The following KCTD19 variants were observed in gnomAD, a reference collection of about 807,000 sequenced individuals.
KCTD19 encodes the protein potassium channel tetramerization domain containing 19.
KCTD19 carries 67 observed loss-of-function variants against 103.5 expected under a neutral mutation model. The observed-to-expected ratio is 0.65, with a 90% confidence interval of 0.53 to 0.79. The LOEUF is 0.79. KCTD19 is among the 30% of genes least tolerant of loss of function. The probability of loss-of-function intolerance (pLI) is 0.00; values close to 1 mark genes in which losing one functional copy is unlikely to be tolerated. For synonymous variants in KCTD19, 439 were observed against 452.2 expected, an observed-to-expected ratio of 0.97 and a Z score of 0.37; for missense variants, 980 against 1,136.1, an observed-to-expected ratio of 0.86 and a Z score of 1.98.
intron 2 of KCTD19, among the ~76,000 whole-genome samples, chr16:67,307,378 A>G (rs143538988): frequency 1.0e-4 from 15 of 149,550 alleles, no homozygotes; most frequent in Admixed American, 3.3e-4. Flanking sequence ...CAGTGGCCCA[A>G]TCTTGACTTA....
At chr16:67,290,178 T>C (rs889624144) in intron 15 of KCTD19, among the ~76,000 whole-genome samples, 14 of 133,064 alleles carry the variant, frequency 1.1e-4, no homozygotes, top group South Asian at 5.3e-4. Flanking sequence ...TTTTTTTTTT[T>C]TTTTTTTTTT....
chr16:67,299,526 C>A lies in KCTD19; in HGVS notation c.823G>T (p.Ala275Ser), dbSNP rs749598755. 1.4e-5 allele frequency: 22 copies of A among 1,613,892 alleles called. No homozygotes were observed. Among genetic ancestry groups the A allele is most frequent in the Non-Finnish European group, 1.8e-5 (21 of 1,180,038 alleles). The change falls in exon 6 of 16, where the codon GCC becomes TCC. Residue 275 changes from alanine (A) to serine (S), a missense_variant. Transcript: ENST00000304372. The part of the protein sequence containing the change: ...TCSPLSPGKG[A>S]RTASLESVKP... The stretch of plus-strand genomic sequence containing the variant: ...ACGGACTCCAGGCTGGCTGTGCGGG[C>A]CCCCTTCCCGGGGCTCAGGGGAGAA...
Position 67,299,546 on chromosome 16 carries a change from G to A in KCTD19, c.803C>T (p.Pro268Leu). The change falls in exon 6 of 16, where the codon CCC (proline) becomes CTC (leucine). Residue 268 changes from proline (P) to leucine (L), a missense_variant. By Grantham distance (98) the Pro-to-Leu change is moderately conservative. Transcript: ENST00000304372. ...GCGGGCCCCCTTCCCGGGGCTCAGG[G>A]GAGAACAGGTGGTCGGGGAACAGCC... ...MGGCSPTTCSPLSPGKGARTA... is the reference protein window; with the variant it reads ...MGGCSPTTCSLLSPGKGARTA... The A allele has an allele frequency of 6.2e-7, 1 of 1,613,584 alleles. No individual in the cohort carries two copies.
At chr16:67,292,218 T>A (rs2036707427) in intron 12 of KCTD19, among the ~76,000 whole-genome samples, 1 of 152,156 alleles carries the variant, frequency 6.6e-6, no homozygotes, top group Admixed American at 6.5e-5. Context: ...GGGACTCTCC[T>A]TAAGCCACCT....
chr16:67,297,673 G>T lies in KCTD19; in HGVS notation c.987-10C>A. Reference sequence around the variant, plus strand: ...AGTCCCCAGCCAGTTCCTGCCCAGAGGAAAGGTCTGTCATGAAGAACATCA... The same window carrying T: ...AGTCCCCAGCCAGTTCCTGCCCAGATGAAAGGTCTGTCATGAAGAACATCA... On this transcript the variant is annotated splice_polypyrimidine_tract_variant and intron_variant, in intron 6 of 15. Coordinates refer to ENST00000304372, the MANE Select transcript of KCTD19 (RefSeq NM_001100915.3). The T allele has an allele frequency of 6.2e-7, 1 of 1,612,936 alleles. No homozygotes were observed. The highest frequency in any genetic ancestry group is 8.5e-7 in the Non-Finnish European group (1 of 1,179,772).
intron 2 of KCTD19, among the ~76,000 whole-genome samples, chr16:67,309,456 G>A (rs1478049584): frequency 6.6e-6 from 1 of 152,178 alleles, no homozygotes; most frequent in East Asian, 1.9e-4. Context: ...ATGGCAAGAA[G>A]AAAGGGTTTA....
intron 6 of KCTD19, 51 bp from the exon 7 acceptor site, chr16:67,297,714 A>G (rs764269641): frequency 1.3e-5 from 20 of 1,575,340 alleles, no homozygotes; most frequent in Non-Finnish European, 1.7e-5. Flanking sequence ...GTACCCCAAG[A>G]GAGTCGAGCC....
rs189686616 is a variant in KCTD19 at position 67,314,718 on chromosome 16, G to C, written c.300+5871C>G. ...TAGGCATGAGCCACCGCACCCAGCT[G>C]TGTCTATCTTCTATACATATAATCA... On this transcript the variant is annotated intron_variant, in intron 2 of 15. Transcript: ENST00000304372. Among the ~76,000 whole-genome samples, 33 of 150,578 alleles carry C rather than the reference G, an allele frequency of 2.2e-4. No individual in the cohort carries two copies. The East Asian group carries it at 5.2e-3, about 24-fold the overall frequency.
intron 2 of KCTD19, 92 bp from the exon 3 acceptor site, chr16:67,304,663 CTTACTT>C: frequency 8.6e-7 from 1 of 1,158,770 alleles, no homozygotes; most frequent in Non-Finnish European, 1.2e-6. Context: ...CAGTATGTGA[CTTACTT>C]TTTTTTTTTT....
intron 1 of KCTD19, among the ~76,000 whole-genome samples, chr16:67,322,147 C>A (rs1464789120): frequency 6.6e-6 from 1 of 152,074 alleles, no homozygotes; most frequent in Non-Finnish European, 1.5e-5. Context: ...ATTCAATGGA[C>A]AAAGAATAGT....
chr16:67,295,124 T>G, intron 9 of KCTD19, 68 bp from the exon 10 acceptor site: 1 of 1,557,858 alleles, frequency 6.4e-7, no homozygotes, highest in South Asian at 1.1e-5. Flanking sequence ...CATGAGCTCC[T>G]GGAACTGCCG....
chr16:67,295,647 C>A, intron 8 of KCTD19: 1 of 416,520 alleles, frequency 2.4e-6, no homozygotes, highest in South Asian at 3.5e-5. Context: ...TGGAAGCCCA[C>A]CGTACCTCCT....
In KCTD19 at chr16:67,296,961, G is replaced by A. The variant is rs922434073; in HGVS notation, c.1147+542C>T. On this transcript the variant is annotated intron_variant, in intron 7 of 15. Transcript: ENST00000304372. ...AGTGTCTACTGCTGTCCTGGTATAT[G>A]ACCGGTACTCAATAAATGTTGGATG... 6.6e-5 allele frequency among the ~76,000 whole-genome samples: 10 copies of A among 152,178 alleles called. No individual in the cohort carries two copies. The South Asian group carries it at 2.1e-3, about 32-fold the overall frequency.
chr16:67,290,919 CG>C lies in KCTD19; in HGVS notation c.2632del (p.Arg878GlyfsTer70). The C allele has an allele frequency of 6.2e-7, 1 of 1,613,976 alleles. No homozygotes were observed. Among genetic ancestry groups the C allele is most frequent in the Non-Finnish European group, 8.5e-7 (1 of 1,179,990 alleles). On this transcript the variant is annotated frameshift_variant, in exon 15 of 16. Coordinates refer to ENST00000304372, the MANE Select transcript of KCTD19 (RefSeq NM_001100915.3). LOFTEE classifies it high-confidence loss of function. ...LLAITGFKDD[R>X]HTQERLYSWV... is the part of the protein sequence containing the mutation. ...GCTGTACAGGCGCTCCTGGGTGTGCCGGTCATCCTTGAAGCCGGTGATGGCC... is the reference window on the plus strand; with the variant it reads ...GCTGTACAGGCGCTCCTGGGTGTGCCGTCATCCTTGAAGCCGGTGATGGCC...
At position 67,323,021 on chromosome 16, in the gene KCTD19, C is replaced by G. The variant is rs1395282540; in HGVS notation, c.4-2136G>C. Among the ~76,000 whole-genome samples, 1 of 152,164 alleles carries G rather than the reference C, an allele frequency of 6.6e-6. No homozygotes were observed. On this transcript the variant is annotated intron_variant, in intron 1 of 15. Transcript: ENST00000304372. This position sits in a 1 kb window ranked among gnomAD's most constrained non-coding sequence, Gnocchi z 4.1. ...CCACAACAGAATACTACTTCACACC[C>G]ATTAGTATGGCTACAATGAAAACAA...
chr16:67,318,649 T>C (rs371004811), intron 2 of KCTD19, among the ~76,000 whole-genome samples: 4 of 151,670 alleles, frequency 2.6e-5, no homozygotes, highest in Non-Finnish European at 5.9e-5. Context: ...AAGGGCTTAA[T>C]ACACTGTAGA....
At chr16:67,322,882 A>G (rs1428342893) in intron 1 of KCTD19, among the ~76,000 whole-genome samples, 1 of 152,232 alleles carries the variant, frequency 6.6e-6, no homozygotes, top group Non-Finnish European at 1.5e-5. Flanking sequence ...AACCAAATTT[A>G]AAAATTGGCA....
intron 2 of KCTD19, among the ~76,000 whole-genome samples, chr16:67,319,008 G>C (rs1270226469): frequency 6.6e-6 from 1 of 152,000 alleles, no homozygotes; most frequent in Non-Finnish European, 1.5e-5. Flanking sequence ...GGATCAACTG[G>C]GGTCAGGAGT....
In KCTD19 at chr16:67,296,142, G is replaced by C; in HGVS notation, c.1248+17C>G. 1 of 1,516,842 alleles carries C rather than the reference G, an allele frequency of 6.6e-7. No individual in the cohort carries two copies. The highest frequency in any genetic ancestry group is 9.2e-7 in the Non-Finnish European group (1 of 1,091,264). 94.0% of individuals were successfully genotyped at this position (1,516,842 alleles called of 1,614,324 possible). ...GTGATGCCAGATGGGGAGCAGGGCA[G>C]CCGAGGCCGTCAGTACCTTCAGCAG... On this transcript the variant is annotated intron_variant, in intron 8 of 15. Coordinates refer to ENST00000304372, the MANE Select transcript of KCTD19 (RefSeq NM_001100915.3).
Sources: allele counts gnomAD v4.1 joint callset (sites outside exome capture counted in the v4.1 genomes callset), GRCh38; gene constraint gnomAD v4.1.1; non-coding constraint Gnocchi (gnomAD v3.1); transcripts MANE v1.5; gene names NCBI Gene and HGNC (gene_info 2026-07-23, HGNC 2026-07-21).